MARCHF1: variants seen among roughly 807,000 people sequenced by gnomAD.
The protein encoded by MARCHF1 is E3 ubiquitin-protein ligase MARCHF1.
In MARCHF1, 40 loss-of-function variants were observed where a neutral mutation model predicts 54.2. The ratio of observed to expected loss-of-function variants is 0.74; its 90% CI spans 0.57 to 0.96. The LOEUF (loss-of-function observed/expected upper bound fraction) is 0.96, where lower values mean the gene tolerates loss of function less well. MARCHF1 is among the 40% of genes least tolerant of loss of function. MARCHF1 has a pLI of 0.00. For missense variants in MARCHF1, 586 were observed against 656.5 expected, an observed-to-expected ratio of 0.89 and a Z score of 1.17; for synonymous variants, 236 against 236.3, an observed-to-expected ratio of 1.00 and a Z score of 0.01.
chr4:163,882,562 T>A (rs1430078846), intron 3 of MARCHF1, among the ~76,000 whole-genome samples: 2 of 152,220 alleles, frequency 1.3e-5, no homozygotes, highest in Non-Finnish European at 2.9e-5. Context: ...TTTGATTTAT[T>A]CCTCAGAACC....
At chr4:163,832,375 T>C (rs903861128) in intron 4 of MARCHF1, among the ~76,000 whole-genome samples, 2 of 152,190 alleles carry the variant, frequency 1.3e-5, no homozygotes, top group African/African-American at 4.8e-5. Context: ...CTATCGTTTG[T>C]ATAATGGAGG....
chr4:163,594,749 T>C (rs929420651), intron 7 of MARCHF1, among the ~76,000 whole-genome samples: 13 of 110,648 alleles, frequency 1.2e-4, no homozygotes, highest in Admixed American at 1.2e-3. Context: ...ATGGCTATTA[T>C]CAAAACACAA....
At chr4:163,977,087 AAC>A (rs1328013091) in intron 3 of MARCHF1, among the ~76,000 whole-genome samples, 2 of 152,000 alleles carry the variant, frequency 1.3e-5, no homozygotes, top group African/African-American at 4.8e-5. Flanking sequence ...GTGCTAAGTC[AAC>A]ACATACATCA....
intron 3 of MARCHF1, among the ~76,000 whole-genome samples, chr4:163,915,535 T>A (rs796651358): frequency 2.0e-5 from 3 of 152,254 alleles, no homozygotes; most frequent in African/African-American, 7.2e-5. Context: ...ACTAAAAAAA[T>A]TGAATAAATT....
intron 1 of MARCHF1, chr4:164,197,025 C>G: frequency 1.2e-6 from 2 of 1,605,384 alleles, no homozygotes; most frequent in South Asian, 2.2e-5. Flanking sequence ...GCTTCTGACC[C>G]CTTTCTTCTT....
chr4:163,696,985 A>G (rs1363949655), intron 5 of MARCHF1, among the ~76,000 whole-genome samples: 3 of 152,112 alleles, frequency 2.0e-5, no homozygotes, highest in Non-Finnish European at 4.4e-5. Flanking sequence ...ATTTATTTGT[A>G]TCCTTGTATC....
intron 3 of MARCHF1, among the ~76,000 whole-genome samples, chr4:163,972,426 C>T (rs1005715164): frequency 2.6e-5 from 4 of 152,152 alleles, no homozygotes; most frequent in African/African-American, 9.7e-5. Context: ...AAGGATTTTA[C>T]AGTTTGTATT....
chr4:163,562,877 A>G (rs1228233169), intron 8 of MARCHF1, among the ~76,000 whole-genome samples: 1 of 152,192 alleles, frequency 6.6e-6, no homozygotes, highest in East Asian at 1.9e-4. Flanking sequence ...CACTTTCTCC[A>G]GCGCATCCTT....
At chr4:163,861,289 C>T (rs541702066) in intron 3 of MARCHF1, among the ~76,000 whole-genome samples, 22 of 152,058 alleles carry the variant, frequency 1.4e-4, no homozygotes, top group South Asian at 6.2e-4. Flanking sequence ...GAAAAGAAAA[C>T]GCAGAACATC....
chr4:163,937,906 A>G (rs750510558), intron 3 of MARCHF1, among the ~76,000 whole-genome samples: 61 of 152,200 alleles, frequency 4.0e-4, no homozygotes, highest in Non-Finnish European at 6.9e-4. Flanking sequence ...GAAAGATGTG[A>G]CTCCATCCTC....
intron 5 of MARCHF1, 46 bp downstream of exon 5, chr4:163,700,767 A>G: frequency 7.3e-7 from 1 of 1,369,618 alleles, no homozygotes; most frequent in Non-Finnish European, 1.0e-6. Context: ...ATGTGAACTC[A>G]TGAAGTGCAG....
intron 1 of MARCHF1, among the ~76,000 whole-genome samples, chr4:164,273,345 C>T (rs529539639): frequency 2.6e-5 from 4 of 152,030 alleles, no homozygotes; most frequent in African/African-American, 9.7e-5. Flanking sequence ...AAGAAGAGCA[C>T]GGGGGAAACT....
At chr4:163,949,770 A>AGGCAGG (rs1752096923) in intron 3 of MARCHF1, among the ~76,000 whole-genome samples, 1 of 150,956 alleles carries the variant, frequency 6.6e-6, no homozygotes, top group East Asian at 2.0e-4. Flanking sequence ...AACTCAGCAG[A>AGGCAGG]GAGGAAACCC....
intron 4 of MARCHF1, among the ~76,000 whole-genome samples, chr4:163,728,953 A>G (rs1387528859): frequency 2.6e-5 from 4 of 152,152 alleles, no homozygotes; most frequent in Non-Finnish European, 5.9e-5. Flanking sequence ...GTTTTCTTCT[A>G]TTCCTAGTTT....
chr4:164,203,107 G>T (rs7688298), intron 1 of MARCHF1, among the ~76,000 whole-genome samples: 10,366 of 152,170 alleles, frequency 0.068, 418 homozygotes, highest in Middle Eastern at 0.13. Context: ...CTGGATTTCA[G>T]TGCCTAGAAT....
chr4:163,890,065 T>A (rs1268524363), intron 3 of MARCHF1, among the ~76,000 whole-genome samples: 3 of 149,952 alleles, frequency 2.0e-5, no homozygotes, highest in Non-Finnish European at 4.4e-5. Context: ...GCTGGGACTA[T>A]AAACACCCAC....
chr4:163,696,142 CA>C (rs1744622308), intron 5 of MARCHF1, among the ~76,000 whole-genome samples: 1 of 151,780 alleles, frequency 6.6e-6, no homozygotes, highest in Non-Finnish European at 1.5e-5. Context: ...TTTACTAAGA[CA>C]AACTAGAAAT....
At position 164,298,021 on chromosome 4, in the gene MARCHF1, T is replaced by C. The variant is rs531798374; in HGVS notation, c.-323+85849A>G. ...CTTAATCCACACCTATCTAATCTAG[T>C]TATATGTCTCAACACAATACCAAAT... On this transcript the variant is annotated intron_variant, in intron 1 of 9. Transcript: ENST00000514618. Among the ~76,000 whole-genome samples the C allele has an allele frequency of 1.2e-4, 18 of 152,190 alleles. No individual in the cohort carries two copies. The South Asian group carries it at 3.7e-3, about 32-fold the overall frequency.
chr4:164,198,241 TATC>T (rs1400233657), intron 1 of MARCHF1, among the ~76,000 whole-genome samples: 3 of 152,312 alleles, frequency 2.0e-5, no homozygotes, highest in African/African-American at 7.2e-5. Flanking sequence ...CTTTTATTGG[TATC>T]ATCATGAATT....
Sources: allele counts gnomAD v4.1 joint callset (sites outside exome capture counted in the v4.1 genomes callset), GRCh38; gene constraint gnomAD v4.1.1; transcripts MANE v1.5; gene names NCBI Gene and HGNC (gene_info 2026-07-23, HGNC 2026-07-21).